The following A1BG variants were observed in gnomAD, a reference collection of about 807,000 sequenced individuals.
A1BG encodes alpha-1-B glycoprotein.
A1BG carries 44 observed loss-of-function variants against 46.0 expected under a neutral mutation model. The observed-to-expected ratio is 0.96, with a 90% confidence interval of 0.75 to 1.23. The LOEUF (loss-of-function observed/expected upper bound fraction) is 1.23, where lower values mean the gene tolerates loss of function less well. Ranked by LOEUF, A1BG falls within the 50% of genes most tolerant of loss-of-function variation. A1BG has a pLI of 0.00. For synonymous variants in A1BG, 316 were observed against 314.7 expected, an observed-to-expected ratio of 1.00 and a Z score of -0.04; for missense variants, 707 against 688.8, an observed-to-expected ratio of 1.03 and a Z score of -0.30.
intron 6 of A1BG, among the ~76,000 whole-genome samples, chr19:58,348,038 C>T (rs2051929241): frequency 6.6e-6 from 1 of 152,188 alleles, no homozygotes; most frequent in African/African-American, 2.4e-5. Context: ...GGTTTTCCCT[C>T]CATAAGTTTA....
In A1BG at chr19:58,350,532, G is replaced by C; in HGVS notation, c.1030C>G (p.Arg344Gly). ...FALVREDRGGRRVHRFQSPAG... is the reference protein window; with the variant it reads ...FALVREDRGGGRVHRFQSPAG... The stretch of plus-strand genomic sequence containing the variant: ...GGGCTCTGGAAACGGTGCACGCGGC[G>C]CCCGCCCCTGTCCTCGCGCACCAGG... The change falls in exon 6 of 8, where the codon CGC becomes GGC. Residue 344 changes from arginine to glycine, a missense_variant. Arg to Gly is a moderately radical substitution (Grantham distance 125). Transcript: ENST00000263100. The C allele has an allele frequency of 6.5e-7, 1 of 1,549,936 alleles. No individual in the cohort carries two copies. The highest frequency in any genetic ancestry group is 1.4e-5 in the African/African-American group (1 of 73,108).
chr19:58,347,159 C>T (rs890831506), intron 7 of A1BG, 130 bp from the exon 8 acceptor site: 3 of 1,344,370 alleles, frequency 2.2e-6, no homozygotes, highest in Non-Finnish European at 3.1e-6. Context: ...AGCCGAGACC[C>T]CCATCTGCGC....
chr19:58,351,254 T>A (rs1394349337), intron 5 of A1BG, 137 bp downstream of exon 5: 1 of 1,110,966 alleles, frequency 9.0e-7, no homozygotes, highest in African/African-American at 1.5e-5. Context: ...TTTAGGACCC[T>A]GAATCGGCGG....
chr19:58,352,742 T>A (rs1362332132), intron 3 of A1BG, 186 bp downstream of exon 3: 1 of 1,154,024 alleles, frequency 8.7e-7, no homozygotes, highest in African/African-American at 1.5e-5. Context: ...GTGGGAGCTG[T>A]ACGGCATGCC....
intron 3 of A1BG, 39 bp downstream of exon 3, chr19:58,352,889 C>T: frequency 6.3e-7 from 1 of 1,584,792 alleles, no homozygotes; most frequent in South Asian, 1.1e-5. Flanking sequence ...CAACAACCTA[C>T]CCACTGCCTC....
intron 4 of A1BG, chr19:58,352,061 T>C (rs1441943529): frequency 7.1e-7 from 1 of 1,418,100 alleles, no homozygotes; most frequent in African/African-American, 1.4e-5. Context: ...CCCAAAGTGC[T>C]GGGATTATAG....
At chr19:58,352,253 G>T in intron 4 of A1BG, 30 bp downstream of exon 4, 1 of 1,607,278 alleles carries the variant, frequency 6.2e-7, no homozygotes, top group Non-Finnish European at 8.5e-7. Context: ...TCCTCCCCCA[G>T]CAGCCCCCAG....
At position 58,352,987 on chromosome 19, in the gene A1BG, C is replaced by G. The variant is rs533605370; in HGVS notation, c.281G>C (p.Arg94Pro). 6.2e-7 allele frequency: 1 copy of G among 1,613,836 alleles called. No individual in the cohort carries two copies. Among genetic ancestry groups the G allele is most frequent in the African/African-American group, 1.3e-5 (1 of 74,930 alleles). The stretch of plus-strand genomic sequence containing the variant: ...GGTCCATCCTGTGGACAAGCCCGAG[C>G]GGCAGCGGTAGCGGCCCTGGGTGTC... ...TGDTQGRYRC[R>P]SGLSTGWTQL... Residue 94 changes from arginine (R) to proline (P), a missense_variant, in exon 3 of 8, where the codon CGC becomes CCC. Arg to Pro is a moderately radical substitution (Grantham distance 103). Coordinates refer to ENST00000263100, the MANE Select transcript of A1BG (RefSeq NM_130786.4).
At chr19:58,352,764 G>T in intron 3 of A1BG, 164 bp downstream of exon 3, 1 of 1,218,540 alleles carries the variant, frequency 8.2e-7, no homozygotes, top group Non-Finnish European at 1.1e-6. Flanking sequence ...GGCCTGCTGG[G>T]GACACAACCA....
chr19:58,352,093 CT>C lies in A1BG; in HGVS notation c.613+189del, dbSNP rs72108114. The C allele has an allele frequency of 6.1e-3, 8,868 of 1,445,566 alleles. 440 individuals carry two copies. In the African/African-American group the frequency reaches 0.11, roughly 18 times the overall value. 89.5% of individuals were successfully genotyped at this position (1,445,566 alleles called of 1,614,324 possible). On this transcript the variant is annotated intron_variant, in intron 4 of 7. Transcript: ENST00000263100. Reference sequence around the variant, plus strand: ...ATAGGCGTGAGCCACCGCACCCGGCCTCACCCTTCCATTCTTTGGGCATCCT... The same window carrying C: ...ATAGGCGTGAGCCACCGCACCCGGCCCACCCTTCCATTCTTTGGGCATCCT...
chr19:58,352,853 A>C, intron 3 of A1BG, 75 bp downstream of exon 3: 3 of 1,529,050 alleles, frequency 2.0e-6, no homozygotes, highest in Non-Finnish European at 2.6e-6. Flanking sequence ...ACATCGGGTG[A>C]CTTGGAGGAA....
At position 58,351,795 on chromosome 19, in the gene A1BG, CTTTTTT is replaced by C. The variant is rs11452992; in HGVS notation, c.614-114_614-109del. 844 of 761,092 alleles carry C rather than the reference CTTTTTT, an allele frequency of 1.1e-3. 7 individuals carry two copies. The highest frequency in any genetic ancestry group is 9.1e-3 in the Middle Eastern group (23 of 2,538). 47.1% of individuals were successfully genotyped at this position (761,092 alleles called of 1,614,324 possible). A position where few individuals can be genotyped will look rare whatever the true frequency, so the allele number is the denominator to read the frequency against. On this transcript the variant is annotated intron_variant, in intron 4 of 7. Coordinates refer to ENST00000263100, the MANE Select transcript of A1BG (RefSeq NM_130786.4). ...GCAATCCCAGGAACACCCTTCCATT[CTTTTTT>C]TTTTTTTTTTTTGAAACGGAGTTTC...
In A1BG at chr19:58,352,977, C is replaced by T. The variant is rs2051977229; in HGVS notation, c.291G>A (p.Leu97=). The change falls in exon 3 of 8, where the codon TTG becomes TTA. Residue 97 remains leucine (L), a synonymous_variant. Transcript: ENST00000263100. ...TGCTCAGCTGGGTCCATCCTGTGGA[C>T]AAGCCCGAGCGGCAGCGGTAGCGGC... ...TQGRYRCRSG[L]STGWTQLSKL... is the part of the protein sequence containing the mutation. 2 of 1,613,842 alleles carry T rather than the reference C, an allele frequency of 1.2e-6. No homozygotes were observed. The highest frequency in any genetic ancestry group is 2.7e-5 in the African/African-American group (2 of 74,944).
At position 58,352,560 on chromosome 19, in the gene A1BG, G is replaced by T; in HGVS notation, c.341-5C>A. ...GCCAGGGAGCAGGCAAGGACTCTGTGGGTGGGGTGGAGTTGAAGAGTGCTT... is the reference window on the plus strand; with the variant it reads ...GCCAGGGAGCAGGCAAGGACTCTGTTGGTGGGGTGGAGTTGAAGAGTGCTT... On this transcript the variant is annotated splice_polypyrimidine_tract_variant and splice_region_variant and intron_variant, in intron 3 of 7. Transcript: ENST00000263100. The T allele has an allele frequency of 6.2e-7, 1 of 1,605,360 alleles. No homozygotes were observed.
At chr19:58,352,730 G>T in intron 3 of A1BG, 175 bp from the exon 4 acceptor site, 2 of 1,151,770 alleles carry the variant, frequency 1.7e-6, no homozygotes, top group South Asian at 1.5e-5. Flanking sequence ...GAAAAAGAGT[G>T]TGTGGGAGCT....
chr19:58,352,959 C>T lies in A1BG; in HGVS notation c.309G>A (p.Gln103=), dbSNP rs376028571. Residue 103 remains glutamine (Q), a synonymous_variant, in exon 3 of 8, where the codon CAG becomes CAA. Transcript: ENST00000263100. ...CTGTCAGCTCCAGGAGCTTGCTCAG[C>T]TGGGTCCATCCTGTGGACAAGCCCG... is the stretch of plus-strand genomic sequence containing the variant. ...CRSGLSTGWT[Q]LSKLLELTGP... The T allele has an allele frequency of 1.9e-6, 3 of 1,613,662 alleles. No homozygotes were observed. In the African/African-American group the frequency reaches 4.0e-5, roughly 22 times the overall value.
Position 58,347,487 on chromosome 19 carries a change from G to A in A1BG, c.1346C>T (p.Pro449Leu), listed in dbSNP as rs774738068. 27 of 1,598,602 alleles carry A rather than the reference G, an allele frequency of 1.7e-5. No homozygotes were observed. In the Admixed American group the frequency reaches 4.2e-4, roughly 25 times the overall value. ...CAGCTCGAGGTTCGCCGCGGCCCCG[G>A]GGGTGCGGACCGTCTTCACGGCCTT... ...ETKAVKTVRT[P>L]GAAANLELIF... is the part of the protein sequence containing the mutation. Residue 449 changes from proline to leucine, a missense_variant, in exon 7 of 8, where the codon CCC (proline) becomes CTC (leucine). By Grantham distance (98) the Pro-to-Leu change is moderately conservative (BLOSUM62 -3). Coordinates refer to ENST00000263100, the MANE Select transcript of A1BG (RefSeq NM_130786.4).
chr19:58,347,039 G>A lies in A1BG; in HGVS notation c.1481-10C>T, dbSNP rs376202936. On this transcript the variant is annotated splice_polypyrimidine_tract_variant and intron_variant, in intron 7 of 7. Coordinates refer to ENST00000263100, the MANE Select transcript of A1BG (RefSeq NM_130786.4). ...CGGCTGCATCAGCTTTCTAGACAACGGGAGAAAAGAGAAATGGTGGAGGAG... is the reference window on the plus strand; with the variant it reads ...CGGCTGCATCAGCTTTCTAGACAACAGGAGAAAAGAGAAATGGTGGAGGAG... 1.2e-6 allele frequency: 2 copies of A among 1,613,868 alleles called. No individual in the cohort carries two copies. The highest frequency in any genetic ancestry group is 1.3e-5 in the African/African-American group (1 of 74,898).
At chr19:58,349,727 G>C (rs1162465265) in intron 6 of A1BG, 1 of 148,762 alleles carries the variant, frequency 6.7e-6, no homozygotes, top group African/African-American at 2.5e-5. Context: ...GAGAGAGAGA[G>C]AAAGAAGAAA....
Sources: gnomAD v4.1 joint callset for allele counts (sites outside exome capture counted in the v4.1 genomes callset) on GRCh38, gnomAD v4.1.1 for gene constraint, MANE v1.5 for transcripts, NCBI Gene and HGNC (gene_info 2026-07-23, HGNC 2026-07-21) for gene names.